TMTC3: variants seen among roughly 807,000 people sequenced by gnomAD.
The protein encoded by TMTC3 is transmembrane O-mannosyltransferase targeting cadherins 3.
A neutral mutation model predicts 92.2 loss-of-function variants in TMTC3; 52 were observed. That is an observed-to-expected ratio of 0.56 (90% CI 0.45 to 0.71). The LOEUF is 0.71. Ranked by LOEUF, TMTC3 falls within the 30% of genes least tolerant of loss-of-function variation. The probability of loss-of-function intolerance (pLI) is 0.00; values close to 1 mark genes in which losing one functional copy is unlikely to be tolerated. For missense variants in TMTC3, 896 were observed against 1,057.1 expected (o/e 0.85, Z 2.11); for synonymous variants, 339 against 363.3 (o/e 0.93, Z 0.76).
At chr12:88,172,856 T>G (rs768111615) in intron 8 of TMTC3, 111 bp downstream of exon 8, 18 of 1,481,570 alleles carry the variant, frequency 1.2e-5, no homozygotes, top group Non-Finnish European at 1.6e-5. Flanking sequence ...TATCTTTTGG[T>G]TTTTCATCTC....
intron 6 of TMTC3, among the ~76,000 whole-genome samples, chr12:88,165,931 T>C (rs1394284540): frequency 6.6e-6 from 1 of 152,160 alleles, no homozygotes; most frequent in African/African-American, 2.4e-5. Flanking sequence ...TAGGAAAGCA[T>C]TGGTGAGTGT....
At chr12:88,154,487 T>G in intron 4 of TMTC3, 100 bp downstream of exon 4, 1 of 665,620 alleles carries the variant, frequency 1.5e-6, no homozygotes, top group Non-Finnish European at 2.4e-6. Flanking sequence ...ATATACCACA[T>G]TTGGGATTTA....
intron 2 of TMTC3, among the ~76,000 whole-genome samples, chr12:88,148,798 A>T (rs2040907029): frequency 6.6e-6 from 1 of 151,466 alleles, no homozygotes; most frequent in Non-Finnish European, 1.5e-5. Context: ...ACGTGGGTAT[A>T]TTGCGTTATG....
chr12:88,146,819 A>G, intron 1 of TMTC3, among the ~76,000 whole-genome samples: 1 of 150,564 alleles, frequency 6.6e-6, no homozygotes, highest in East Asian at 1.9e-4. Context: ...TTCCAATACT[A>G]TTTGTGTATT....
At chr12:88,193,170 G>T (rs1054614381) in intron 13 of TMTC3, among the ~76,000 whole-genome samples, 3 of 151,928 alleles carry the variant, frequency 2.0e-5, no homozygotes, top group Non-Finnish European at 4.4e-5. Context: ...ATATGAACTT[G>T]TGAAATTTTT....
At chr12:88,177,453 A>G (rs539551042) in intron 10 of TMTC3, among the ~76,000 whole-genome samples, 5 of 152,286 alleles carry the variant, frequency 3.3e-5, no homozygotes, top group Admixed American at 1.3e-4. Flanking sequence ...TCATCAAGAA[A>G]GGGTTTAAGG....
At position 88,160,527 on chromosome 12, in the gene TMTC3, C is replaced by G. The variant is rs1053370428; in HGVS notation, c.625-152C>G. ...TTCATTATTAGGTAAGACTGTTGAGCTCAGTTTTATTCATTATTAGCTTCA... is the reference window on the plus strand; with the variant it reads ...TTCATTATTAGGTAAGACTGTTGAGGTCAGTTTTATTCATTATTAGCTTCA... On this transcript the variant is annotated intron_variant, in intron 5 of 13. Transcript: ENST00000266712. The G allele has an allele frequency of 1.9e-5, 14 of 744,542 alleles. No individual in the cohort carries two copies. The African/African-American group carries it at 2.3e-4, about 12-fold the overall frequency. The allele number at this position is 744,542 out of a possible 1,614,324, so 46.1% of individuals were successfully genotyped here.
intron 12 of TMTC3, among the ~76,000 whole-genome samples, chr12:88,191,753 A>C (rs1177365697): frequency 6.6e-6 from 1 of 151,966 alleles, no homozygotes; most frequent in African/African-American, 2.4e-5. Context: ...ATTGTTACCC[A>C]GGCTGGAGTG....
intron 10 of TMTC3, among the ~76,000 whole-genome samples, chr12:88,183,114 T>C (rs1592746051): frequency 6.6e-6 from 1 of 152,138 alleles, no homozygotes; most frequent in Non-Finnish European, 1.5e-5. Flanking sequence ...TGGCTTTTAA[T>C]TGCTCCTCAA....
rs752532664 is a variant in TMTC3 at position 88,160,820 on chromosome 12, G to T, written c.766G>T (p.Val256Phe). The change falls in exon 6 of 14, where the codon GTT becomes TTT. Residue 256 changes from valine (V) to phenylalanine (F), a missense_variant. Val to Phe is a conservative substitution (Grantham distance 50, BLOSUM62 -1). Transcript: ENST00000266712. ...TLLLVVIRVQ[V>F]IQSQLPVFTR... The stretch of plus-strand genomic sequence containing the variant: ...ATTACTTGTTGTGATTAGAGTCCAG[G>T]TTATTCAATCCCAACTTCCAGTATT... The T allele has an allele frequency of 6.2e-7, 1 of 1,611,044 alleles. No homozygotes were observed. The highest frequency in any genetic ancestry group is 1.1e-5 in the South Asian group (1 of 90,250).
intron 10 of TMTC3, among the ~76,000 whole-genome samples, chr12:88,181,899 G>A (rs2041322251): frequency 6.6e-6 from 1 of 152,042 alleles, no homozygotes; most frequent in Admixed American, 6.5e-5. Flanking sequence ...TGGGTATGGG[G>A]GAGTGAACTA....
At chr12:88,177,558 T>C (rs2041273427) in intron 10 of TMTC3, among the ~76,000 whole-genome samples, 2 of 152,148 alleles carry the variant, frequency 1.3e-5, no homozygotes, top group South Asian at 4.1e-4. Flanking sequence ...TCAGTGGATC[T>C]GAGGAATTGT....
At chr12:88,183,830 A>AG (rs1432885209) in intron 10 of TMTC3, among the ~76,000 whole-genome samples, 2 of 152,166 alleles carry the variant, frequency 1.3e-5, no homozygotes, top group African/African-American at 4.8e-5. Context: ...GGGCTCCACT[A>AG]GCTTTAAGCA....
intron 7 of TMTC3, among the ~76,000 whole-genome samples, chr12:88,167,892 G>A (rs1212864647): frequency 6.6e-6 from 1 of 152,200 alleles, no homozygotes; most frequent in Non-Finnish European, 1.5e-5. Flanking sequence ...GTGAAATGTA[G>A]ATGAGGTTAT....
chr12:88,194,708 C>CT (rs1437571897), intron 13 of TMTC3, 130 bp from the exon 14 acceptor site: 5 of 644,060 alleles, frequency 7.8e-6, no homozygotes, highest in Non-Finnish European at 1.1e-5. Flanking sequence ...TTGCTTTCTA[C>CT]TTTTTTTAAC....
intron 12 of TMTC3, 54 bp downstream of exon 12, chr12:88,190,676 A>T (rs959575918): frequency 6.6e-7 from 1 of 1,513,776 alleles, no homozygotes; most frequent in East Asian, 2.3e-5. Context: ...CTGCATCTCC[A>T]TGTACATTTT....
In TMTC3 at chr12:88,174,563, G is replaced by C. The variant is rs1468937852; in HGVS notation, c.1200-44G>C. On this transcript the variant is annotated intron_variant, in intron 8 of 13. Transcript: ENST00000266712. The stretch of plus-strand genomic sequence containing the variant: ...TTCTAAAAGGTAAAATGCTTTTGGT[G>C]ATGAAGACAATTTTTTTTGTTTTGC... The C allele has an allele frequency of 3.8e-6, 6 of 1,583,348 alleles. No individual in the cohort carries two copies. In the African/African-American group the frequency reaches 5.5e-5, roughly 14 times the overall value.
chr12:88,167,761 C>T (rs1187446750), intron 7 of TMTC3, among the ~76,000 whole-genome samples: 1 of 152,188 alleles, frequency 6.6e-6, no homozygotes, highest in Non-Finnish European at 1.5e-5. Flanking sequence ...ACTGTTGAAA[C>T]ATCCTGTTGG....
chr12:88,177,850 C>T (rs1327855652), intron 10 of TMTC3, among the ~76,000 whole-genome samples: 3 of 152,066 alleles, frequency 2.0e-5, no homozygotes, highest in Admixed American at 1.3e-4. Context: ...AGGTGAAAAT[C>T]ATTTGGAAAA....
Sources: allele counts gnomAD v4.1 joint callset (sites outside exome capture counted in the v4.1 genomes callset), GRCh38; gene constraint gnomAD v4.1.1; transcripts MANE v1.5; gene names NCBI Gene and HGNC (gene_info 2026-07-23, HGNC 2026-07-21).